The following SEC24A variants were observed in gnomAD, a reference collection of about 807,000 sequenced individuals.
SEC24A encodes SEC24 homolog A, COPII component.
In SEC24A, 93 loss-of-function variants were observed where a neutral mutation model predicts 129.4. The observed-to-expected ratio is 0.72, with a 90% CI of 0.61 to 0.85. SEC24A has a LOEUF of 0.85. SEC24A is among the 40% of genes least tolerant of loss of function. The probability of loss-of-function intolerance (pLI) is 0.00; values close to 1 mark genes in which losing one functional copy is unlikely to be tolerated. For synonymous variants in SEC24A, 460 were observed against 467.3 expected, an observed-to-expected ratio of 0.98 and a Z score of 0.20; for missense variants, 1,264 against 1,307.4, an observed-to-expected ratio of 0.97 and a Z score of 0.51.
chr5:134,720,366 T>TA (rs1445202291), intron 20 of SEC24A, among the ~76,000 whole-genome samples: 2 of 152,194 alleles, frequency 1.3e-5, no homozygotes. Context: ...GCTATACCAT[T>TA]AAGGCTTGTG....
chr5:134,679,734 G>A lies in SEC24A; in HGVS notation c.1381+6G>A. On this transcript the variant is annotated splice_donor_region_variant and intron_variant, in intron 8 of 22. Coordinates refer to ENST00000398844, the MANE Select transcript of SEC24A (RefSeq NM_021982.3). ...ATGTTATCGAGTCAATGATGGTATG[G>A]GATGCTTTTTTGAAACATTTAAACG... is the stretch of plus-strand genomic sequence containing the variant. 6.4e-7 allele frequency: 1 copy of A among 1,561,284 alleles called. No homozygotes were observed. The highest frequency in any genetic ancestry group is 8.7e-7 in the Non-Finnish European group (1 of 1,146,894).
Position 134,697,985 on chromosome 5 carries a change from C to G in SEC24A, c.2194C>G (p.Gln732Glu), listed in dbSNP as rs184449222. 6.0e-5 allele frequency: 97 copies of G among 1,613,880 alleles called. No homozygotes were observed. Among genetic ancestry groups the G allele is most frequent in the Non-Finnish European group, 7.8e-5 (92 of 1,179,902 alleles). ...CAACCCAGTCCAAGTACAGAAATTACAGAAGGAACTACAGAGATACCTTAC... is the reference window on the plus strand; with the variant it reads ...CAACCCAGTCCAAGTACAGAAATTAGAGAAGGAACTACAGAGATACCTTAC... ...QHNPVQVQKL[Q>E]KELQRYLTRK... is the part of the protein sequence containing the mutation. The change falls in exon 15 of 23, where the codon CAG (glutamine) becomes GAG (glutamate). Residue 732 changes from glutamine (Q) to glutamate (E), a missense_variant. Transcript: ENST00000398844.
chr5:134,700,781 C>T (rs1193719615), intron 15 of SEC24A, among the ~76,000 whole-genome samples: 3 of 151,564 alleles, frequency 2.0e-5, no homozygotes, highest in East Asian at 3.9e-4. Context: ...TTCAGTGGCA[C>T]GATCTCCGCT....
intron 3 of SEC24A, among the ~76,000 whole-genome samples, chr5:134,669,636 C>T (rs1157324661): frequency 4.7e-5 from 7 of 148,902 alleles, no homozygotes; most frequent in East Asian, 2.1e-4. Context: ...CCACCACGCC[C>T]GGCTAATTTT....
chr5:134,675,781 T>A (rs532600712), intron 6 of SEC24A, among the ~76,000 whole-genome samples: 2 of 152,344 alleles, frequency 1.3e-5, no homozygotes, highest in South Asian at 4.1e-4. Flanking sequence ...TTTGATAGTT[T>A]AGACTGTTTT....
intron 2 of SEC24A, among the ~76,000 whole-genome samples, chr5:134,665,419 C>A (rs1750625874): frequency 6.7e-6 from 1 of 149,640 alleles, no homozygotes; most frequent in South Asian, 2.1e-4. Flanking sequence ...TGCGCCATTG[C>A]ACTCCAGCCT....
rs929733070 is a variant in SEC24A at position 134,726,363 on chromosome 5, T to C, written c.*1269T>C. On this transcript the variant is annotated 3_prime_UTR_variant, in exon 23 of 23. Coordinates refer to ENST00000398844, the MANE Select transcript of SEC24A (RefSeq NM_021982.3). ...CATTTTGTCTTAAGAATTTCTTAAATATGTTCATGTATAATACTTGATCAA... is the reference window on the plus strand; with the variant it reads ...CATTTTGTCTTAAGAATTTCTTAAACATGTTCATGTATAATACTTGATCAA... 5 of 152,626 alleles carry C rather than the reference T, an allele frequency of 3.3e-5. No homozygotes were observed. The highest frequency in any genetic ancestry group is 1.2e-4 in the African/African-American group (5 of 41,470). The allele number at this position is 152,626 out of a possible 1,614,324, so 9.5% of individuals were successfully genotyped here.
chr5:134,675,045 A>G lies in SEC24A; in HGVS notation c.979A>G (p.Thr327Ala), dbSNP rs1170978872. 2 of 1,574,000 alleles carry G rather than the reference A, an allele frequency of 1.3e-6. No homozygotes were observed. The highest frequency in any genetic ancestry group is 1.2e-5 in the South Asian group (1 of 85,776). ...YPSGPQAFTQ[T>A]PLGANHLTTS... ...TTACTTTAAAATTATGTATCTGTAG[A>G]CTCCCTTAGGTGCTAATCATTTAAC... Residue 327 changes from threonine (T) to alanine (A), a missense_variant and splice_region_variant, in exon 6 of 23, where the codon ACT becomes GCT. Coordinates refer to ENST00000398844, the MANE Select transcript of SEC24A (RefSeq NM_021982.3).
intron 12 of SEC24A, chr5:134,693,440 ATC>A (rs1447330321): frequency 1.5e-6 from 2 of 1,365,336 alleles, no homozygotes; most frequent in Non-Finnish European, 1.9e-6. Flanking sequence ...AATACATCAA[ATC>A]TCTAAACTGT....
chr5:134,661,120 T>C lies in SEC24A; in HGVS notation c.99T>C (p.Gly33=). 6.3e-7 allele frequency: 1 copy of C among 1,593,356 alleles called. No individual in the cohort carries two copies. Among genetic ancestry groups the C allele is most frequent in the Non-Finnish European group, 8.6e-7 (1 of 1,169,340 alleles). ...AATTTTTCCTCCTTTTATTGGAAGG[T>C]CCTGTCCAAAATGCATTGCTGTCTT... The part of the protein sequence containing the change: ...ALASGSPYTN[G]PVQNALLSSQ... Residue 33 remains glycine (G), a splice_region_variant and synonymous_variant, in exon 2 of 23, where the codon GGT becomes GGC. Coordinates refer to ENST00000398844, the MANE Select transcript of SEC24A (RefSeq NM_021982.3).
intron 15 of SEC24A, 107 bp downstream of exon 15, chr5:134,698,164 T>C: frequency 1.1e-6 from 1 of 905,754 alleles, no homozygotes; most frequent in Non-Finnish European, 1.7e-6. Flanking sequence ...ATACTTTGCC[T>C]ACTCTGGAAT....
At chr5:134,697,068 G>A in intron 13 of SEC24A, 58 bp from the exon 14 acceptor site, 2 of 1,045,902 alleles carry the variant, frequency 1.9e-6, no homozygotes, top group East Asian at 5.2e-5. Context: ...TGTGTATTTA[G>A]ATTTTATGAC....
chr5:134,717,697 A>C (rs1046249247), intron 19 of SEC24A, among the ~76,000 whole-genome samples: 1 of 151,930 alleles, frequency 6.6e-6, no homozygotes, highest in African/African-American at 2.4e-5. Flanking sequence ...GGGTGGATCA[A>C]CTGAGGTTGG....
At chr5:134,696,033 G>A (rs1415293933) in intron 13 of SEC24A, among the ~76,000 whole-genome samples, 9 of 151,854 alleles carry the variant, frequency 5.9e-5, no homozygotes, top group African/African-American at 1.9e-4. Flanking sequence ...TTGGGAGGCC[G>A]AGGCAGGCGG....
intron 3 of SEC24A, among the ~76,000 whole-genome samples, chr5:134,667,664 A>C (rs1021492090): frequency 1.1e-4 from 17 of 151,130 alleles, no homozygotes; most frequent in African/African-American, 3.9e-4. Flanking sequence ...AAAAAAAAAA[A>C]AAAACAAAAA....
intron 1 of SEC24A, among the ~76,000 whole-genome samples, chr5:134,658,183 A>G (rs1349642926): frequency 1.3e-5 from 2 of 152,170 alleles, no homozygotes; most frequent in Non-Finnish European, 2.9e-5. Context: ...AGGCAGGAGA[A>G]TCGCCTGAAC....
At chr5:134,696,273 A>G (rs1751821092) in intron 13 of SEC24A, among the ~76,000 whole-genome samples, 1 of 151,692 alleles carries the variant, frequency 6.6e-6, no homozygotes, top group East Asian at 1.9e-4. Flanking sequence ...TCCCATCTCA[A>G]AAAAAAAGAA....
chr5:134,677,550 A>AAAAAG (rs111555317), intron 7 of SEC24A, among the ~76,000 whole-genome samples: 2,123 of 151,296 alleles, frequency 0.014, 17 homozygotes, highest in Middle Eastern at 0.034. Context: ...AAAAAAAAAA[A>AAAAAG]ATAAAGGCCA....
intron 7 of SEC24A, 76 bp downstream of exon 7, chr5:134,676,201 G>T: frequency 9.8e-7 from 1 of 1,024,238 alleles, no homozygotes; most frequent in Non-Finnish European, 1.4e-6. Flanking sequence ...GTGCAGTGAC[G>T]CAGTCTCAGC....
Sources: allele counts gnomAD v4.1 joint callset (sites outside exome capture counted in the v4.1 genomes callset), GRCh38; gene constraint gnomAD v4.1.1; transcripts MANE v1.5; gene names NCBI Gene and HGNC (gene_info 2026-07-23, HGNC 2026-07-21).